ZBTB20: variants seen among roughly 807,000 people sequenced by gnomAD.
The protein encoded by ZBTB20 is zinc finger and BTB domain containing 20, also known as zinc finger and BTB domain-containing protein 20.
In ZBTB20, 9 loss-of-function variants were observed where a neutral mutation model predicts 56.9. The ratio of observed to expected loss-of-function variants is 0.16; its 90% confidence interval spans 0.10 to 0.28. The LOEUF (loss-of-function observed/expected upper bound fraction) is 0.28, where lower values mean the gene tolerates loss of function less well. Ranked by LOEUF, ZBTB20 falls within the 10% of genes least tolerant of loss-of-function variation. ZBTB20 has a pLI of 1.00. For synonymous variants in ZBTB20, 417 were observed against 420.7 expected, an observed-to-expected ratio of 0.99 and a Z score of 0.11; for missense variants, 655 against 1,003.0, an observed-to-expected ratio of 0.65 and a Z score of 4.69.
intron 4 of ZBTB20, among the ~76,000 whole-genome samples, chr3:114,845,764 T>C (rs960095980): frequency 2.0e-5 from 3 of 152,204 alleles, no homozygotes; most frequent in Admixed American, 6.5e-5. Context: ...CCAATGTCAA[T>C]TGTAATTATA....
chr3:114,505,040 C>T (rs2109729968), intron 6 of ZBTB20, among the ~76,000 whole-genome samples: 1 of 152,278 alleles, frequency 6.6e-6, no homozygotes, highest in Admixed American at 6.5e-5. Context: ...TCTTTGGAAG[C>T]AGACAGGTTT....
chr3:115,084,565 GT>G (rs1270126733), intron 1 of ZBTB20, among the ~76,000 whole-genome samples: 3 of 151,518 alleles, frequency 2.0e-5, no homozygotes, highest in African/African-American at 2.4e-5. Flanking sequence ...TATGAGATTT[GT>G]TTTTTTAAAA....
intron 2 of ZBTB20, among the ~76,000 whole-genome samples, chr3:115,035,631 G>A (rs1053785805): frequency 1.3e-5 from 2 of 151,992 alleles, no homozygotes; most frequent in Middle Eastern, 3.2e-3. Context: ...TGATAGAAAT[G>A]TGAAAAACAG....
At chr3:115,081,210 T>C (rs1048960523) in intron 1 of ZBTB20, among the ~76,000 whole-genome samples, 7 of 152,126 alleles carry the variant, frequency 4.6e-5, no homozygotes, top group Non-Finnish European at 8.8e-5. Context: ...TAAAGCAATA[T>C]CTAAAACAAC....
At chr3:114,637,917 A>G (rs1318093372) in intron 6 of ZBTB20, among the ~76,000 whole-genome samples, 1 of 152,018 alleles carries the variant, frequency 6.6e-6, no homozygotes, top group African/African-American at 2.4e-5. Context: ...TACTTTTTAT[A>G]GCCCACACTG....
intron 11 of ZBTB20, among the ~76,000 whole-genome samples, chr3:114,348,062 T>C (rs1278150690): frequency 6.6e-6 from 1 of 152,244 alleles, no homozygotes; most frequent in Non-Finnish European, 1.5e-5. Flanking sequence ...GAGAAATGTA[T>C]TTATACATCA....
intron 1 of ZBTB20, among the ~76,000 whole-genome samples, chr3:115,146,924 C>T (rs2085004577): frequency 6.6e-6 from 1 of 151,510 alleles, no homozygotes; most frequent in African/African-American, 2.4e-5. Flanking sequence ...GCCTCCCTCC[C>T]ACCTCCCCGC....
rs1478433786 is a variant in ZBTB20 at position 114,772,017 on chromosome 3, CTT to C, written c.-343+29082_-343+29083del. The stretch of plus-strand genomic sequence containing the variant: ...CACTCTCTTAGATACCAGTGAAAGA[CTT>C]GAGATTTTTCTGTTTCCTGCATTTA... On this transcript the variant is annotated intron_variant, in intron 5 of 11. Coordinates refer to ENST00000675478, the MANE Select transcript of ZBTB20 (RefSeq NM_001348800.3). 3.3e-5 allele frequency among the ~76,000 whole-genome samples: 5 copies of C among 152,246 alleles called. No homozygotes were observed. In the East Asian group the frequency reaches 9.7e-4, roughly 29 times the overall value.
intron 5 of ZBTB20, among the ~76,000 whole-genome samples, chr3:114,705,521 G>T (rs1347566223): frequency 6.6e-6 from 1 of 152,088 alleles, no homozygotes; most frequent in African/African-American, 2.4e-5. Context: ...AGAAGGCAAA[G>T]GGAAAATAGC....
chr3:114,709,732 G>A (rs756425489), intron 5 of ZBTB20, among the ~76,000 whole-genome samples: 1 of 152,140 alleles, frequency 6.6e-6, no homozygotes, highest in East Asian at 1.9e-4. Flanking sequence ...TTATACTAGA[G>A]GTGAGAACCA....
rs527460071 is a variant in ZBTB20 at position 114,467,834 on chromosome 3, T to C, written c.-255+32518A>G. 3.9e-5 allele frequency among the ~76,000 whole-genome samples: 6 copies of C among 152,342 alleles called. No individual in the cohort carries two copies. In the South Asian group the frequency reaches 6.2e-4, roughly 16 times the overall value. On this transcript the variant is annotated intron_variant, in intron 7 of 11. Transcript: ENST00000675478. ...TGGGAATGTGAATTTATTTGTATTT[T>C]ATTCAGGAAGTATTTTTGAGCATTT... is the stretch of plus-strand genomic sequence containing the variant.
intron 2 of ZBTB20, among the ~76,000 whole-genome samples, chr3:115,000,856 A>G (rs1178460894): frequency 1.3e-5 from 2 of 151,582 alleles, no homozygotes; most frequent in African/African-American, 4.8e-5. Context: ...GAGAATTCTG[A>G]GAATATATAA....
At chr3:114,508,919 C>T (rs1559887484) in intron 6 of ZBTB20, among the ~76,000 whole-genome samples, 2 of 152,056 alleles carry the variant, frequency 1.3e-5, no homozygotes, top group Non-Finnish European at 1.5e-5. Flanking sequence ...TCAAAAGAAA[C>T]GTTTTGTTTA....
intron 2 of ZBTB20, among the ~76,000 whole-genome samples, chr3:115,004,675 G>GT (rs1553877022): frequency 6.6e-6 from 1 of 151,630 alleles, no homozygotes; most frequent in Admixed American, 6.6e-5. Context: ...CACTTGGCCA[G>GT]TTTTTTCTTT....
intron 1 of ZBTB20, among the ~76,000 whole-genome samples, chr3:115,134,777 T>C (rs534005660): frequency 5.9e-5 from 9 of 152,226 alleles, no homozygotes; most frequent in Non-Finnish European, 1.3e-4. Flanking sequence ...TCTCCTTAAA[T>C]GAATTGCTAT....
intron 2 of ZBTB20, among the ~76,000 whole-genome samples, chr3:115,024,319 AGC>A (rs1272668314): frequency 1.3e-5 from 2 of 150,950 alleles, no homozygotes; most frequent in Non-Finnish European, 1.5e-5. Flanking sequence ...GACACGGAAG[AGC>A]TTACAACCTA....
chr3:114,714,532 G>A (rs1418094823), intron 5 of ZBTB20, among the ~76,000 whole-genome samples: 5 of 147,184 alleles, frequency 3.4e-5, no homozygotes, highest in Middle Eastern at 3.5e-3. Context: ...CTCTCACCAA[G>A]CATTTCAGGA....
At chr3:114,507,309 C>T (rs1029095220) in intron 6 of ZBTB20, among the ~76,000 whole-genome samples, 12 of 152,130 alleles carry the variant, frequency 7.9e-5, no homozygotes, top group Non-Finnish European at 1.6e-4. Flanking sequence ...CAGTGCCTCT[C>T]TAAGAGGCAT....
chr3:115,005,946 A>T (rs955220096), intron 2 of ZBTB20, among the ~76,000 whole-genome samples: 5 of 151,616 alleles, frequency 3.3e-5, no homozygotes, highest in African/African-American at 7.3e-5. Context: ...CTCTCTTTTT[A>T]GCTCACAGCA....
Sources: gnomAD v4.1 joint callset for allele counts (sites outside exome capture counted in the v4.1 genomes callset) on GRCh38, gnomAD v4.1.1 for gene constraint, MANE v1.5 for transcripts, NCBI Gene and HGNC (gene_info 2026-07-23, HGNC 2026-07-21) for gene names.